CDYL: variants seen among roughly 807,000 people sequenced by gnomAD.
CDYL encodes the protein chromodomain Y like, also known as chromodomain Y-like protein.
CDYL carries 8 observed loss-of-function variants against 47.3 expected under a neutral mutation model. The ratio of observed to expected loss-of-function variants is 0.17; its 90% CI spans 0.10 to 0.31. The LOEUF is 0.31. Among genes scored for constraint, CDYL ranks in the 10% least tolerant of loss-of-function variants. The probability of loss-of-function intolerance (pLI) is 1.00; values close to 1 mark genes in which losing one functional copy is unlikely to be tolerated. For missense variants in CDYL, 471 were observed against 701.4 expected, an observed-to-expected ratio of 0.67 and a Z score of 3.71; for synonymous variants, 266 against 265.0, an observed-to-expected ratio of 1.00 and a Z score of -0.04.
intron 2 of CDYL, among the ~76,000 whole-genome samples, chr6:4,933,962 C>T (rs1013904536): frequency 2.0e-5 from 3 of 152,192 alleles, no homozygotes; most frequent in Non-Finnish European, 1.5e-5. Context: ...GAACAGGAAG[C>T]TATGTTCTGA....
intron 3 of CDYL, among the ~76,000 whole-genome samples, chr6:4,736,211 A>C (rs1006696802): frequency 6.6e-6 from 1 of 152,224 alleles, no homozygotes; most frequent in African/African-American, 2.4e-5. Context: ...AAAACATAGT[A>C]TAACAAGGTC....
At chr6:4,725,667 C>T (rs1276683646) in intron 2 of CDYL, among the ~76,000 whole-genome samples, 2 of 152,202 alleles carry the variant, frequency 1.3e-5, no homozygotes, top group African/African-American at 2.4e-5. Context: ...CGCACAGCCC[C>T]GGTTCCGCCC....
In CDYL at chr6:4,926,254, A is replaced by T. The variant is rs1158175718; in HGVS notation, c.692-9261A>T. ...CATGGTTCTTCAAGAAAATTTGCAG[A>T]TTATGTAATCTGAATAAAATTATAA... On this transcript the variant is annotated intron_variant, in intron 2 of 6. Transcript: ENST00000397588. 2.0e-5 allele frequency among the ~76,000 whole-genome samples: 3 copies of T among 152,204 alleles called. No homozygotes were observed. In the South Asian group the frequency reaches 6.2e-4, roughly 32 times the overall value.
chr6:4,900,781 A>ATGTG (rs1561697423), intron 2 of CDYL, among the ~76,000 whole-genome samples: 1 of 32,772 alleles, frequency 3.1e-5, no homozygotes, highest in African/African-American at 1.6e-4. Context: ...ATACGTGTGT[A>ATGTG]TATATATATA....
intron 2 of CDYL, among the ~76,000 whole-genome samples, chr6:4,731,215 A>G (rs1199237058): frequency 3.3e-5 from 5 of 152,226 alleles, no homozygotes; most frequent in African/African-American, 1.2e-4. Context: ...TTCAGCTTAT[A>G]TAAATCTCGT....
intron 1 of CDYL, among the ~76,000 whole-genome samples, chr6:4,813,038 T>G (rs187382326): frequency 6.6e-6 from 1 of 152,378 alleles, no homozygotes. Context: ...GGAAAATCAC[T>G]AAGTTTTCAT....
At chr6:4,740,139 A>G (rs1281555386) in intron 3 of CDYL, among the ~76,000 whole-genome samples, 1 of 152,196 alleles carries the variant, frequency 6.6e-6, no homozygotes, top group East Asian at 1.9e-4. Flanking sequence ...GCTAAATTAT[A>G]GCTATCCTTG....
chr6:4,890,661 G>C (rs567195663), intron 1 of CDYL, among the ~76,000 whole-genome samples: 9 of 152,246 alleles, frequency 5.9e-5, no homozygotes, highest in Admixed American at 5.2e-4. Context: ...CGAGTATTTG[G>C]GGATGTTAGA....
intron 3 of CDYL, among the ~76,000 whole-genome samples, chr6:4,771,395 T>C (rs750871843): frequency 6.6e-6 from 1 of 152,168 alleles, no homozygotes; most frequent in Non-Finnish European, 1.5e-5. Context: ...ATTACAGGCG[T>C]CAGCCACCAC....
At chr6:4,919,724 C>T (rs1462650967) in intron 2 of CDYL, among the ~76,000 whole-genome samples, 1 of 152,196 alleles carries the variant, frequency 6.6e-6, no homozygotes, top group African/African-American at 2.4e-5. Context: ...GAAGTAATCA[C>T]AGTCCATGAT....
At chr6:4,858,994 G>T (rs545322492) in intron 1 of CDYL, among the ~76,000 whole-genome samples, 2 of 152,318 alleles carry the variant, frequency 1.3e-5, no homozygotes, top group East Asian at 1.9e-4. Flanking sequence ...TTCTGGGCTG[G>T]TTCATGACTG....
At chr6:4,799,198 G>T (rs11962926) in intron 1 of CDYL, among the ~76,000 whole-genome samples, 3,883 of 152,262 alleles carry the variant, frequency 0.026, 176 homozygotes, top group African/African-American at 0.089. Context: ...AGGTTAAATT[G>T]TGGATATTTG....
At chr6:4,806,129 C>A (rs2127441760) in intron 1 of CDYL, among the ~76,000 whole-genome samples, 1 of 152,362 alleles carries the variant, frequency 6.6e-6, no homozygotes, top group East Asian at 1.9e-4. Context: ...TGGCCATCCA[C>A]AAAGTCCTCT....
intron 1 of CDYL, among the ~76,000 whole-genome samples, chr6:4,709,356 C>G (rs1270178229): frequency 6.6e-6 from 1 of 152,132 alleles, no homozygotes; most frequent in Non-Finnish European, 1.5e-5. Context: ...CCACCCCATG[C>G]CCGGCTAATT....
At chr6:4,762,210 G>A (rs1758185257) in intron 3 of CDYL, among the ~76,000 whole-genome samples, 1 of 152,204 alleles carries the variant, frequency 6.6e-6, no homozygotes, top group East Asian at 1.9e-4. Context: ...TAATTCAGAA[G>A]TAAGCACCCC....
intron 1 of CDYL, among the ~76,000 whole-genome samples, chr6:4,830,147 A>T (rs1760094745): frequency 6.6e-6 from 1 of 152,262 alleles, no homozygotes; most frequent in Non-Finnish European, 1.5e-5. Flanking sequence ...TTCAATATTC[A>T]AGGTGTGCGT....
intron 2 of CDYL, among the ~76,000 whole-genome samples, chr6:4,734,534 G>A (rs1757666516): frequency 6.6e-6 from 1 of 152,202 alleles, no homozygotes; most frequent in African/African-American, 2.4e-5. Flanking sequence ...TGCTCTCTCT[G>A]TCTGCTTTCT....
chr6:4,736,021 T>C (rs1757697117), intron 3 of CDYL, among the ~76,000 whole-genome samples: 1 of 152,118 alleles, frequency 6.6e-6, no homozygotes, highest in Admixed American at 6.5e-5. Flanking sequence ...CTTTAGAACT[T>C]GTATAAGGGA....
At chr6:4,752,454 G>A (rs79772688) in intron 3 of CDYL, among the ~76,000 whole-genome samples, 1 of 152,026 alleles carries the variant, frequency 6.6e-6, no homozygotes, top group Non-Finnish European at 1.5e-5. Context: ...TCATAACTTC[G>A]GGAAAGAAGA....
Sources: allele counts gnomAD v4.1 joint callset (sites outside exome capture counted in the v4.1 genomes callset), GRCh38; gene constraint gnomAD v4.1.1; transcripts MANE v1.5; gene names NCBI Gene and HGNC (gene_info 2026-07-23, HGNC 2026-07-21).